The following FXYD6 variants were observed in gnomAD, a reference collection of about 807,000 sequenced individuals.
FXYD6 encodes FXYD domain containing ion transport regulator 6.
FXYD6 carries 7 observed loss-of-function variants against 16.7 expected under a neutral mutation model. The ratio of observed to expected loss-of-function variants is 0.42; its 90% CI spans 0.24 to 0.79. The LOEUF (loss-of-function observed/expected upper bound fraction) is 0.79, where lower values mean the gene tolerates loss of function less well. FXYD6 is among the 30% of genes least tolerant of loss of function. The pLI is 0.28. For missense variants in FXYD6, 111 were observed against 116.2 expected, an observed-to-expected ratio of 0.95 and a Z score of 0.21; for synonymous variants, 49 against 43.0, an observed-to-expected ratio of 1.14 and a Z score of -0.54.
At chr11:117,842,161 T>G in intron 2 of FXYD6, 133 bp from the exon 3 acceptor site, 1 of 1,392,446 alleles carries the variant, frequency 7.2e-7, no homozygotes, top group Non-Finnish European at 9.9e-7. Context: ...CAGAGATGCC[T>G]AGAGGTGCAC....
In FXYD6 at chr11:117,850,678, G is replaced by T. The variant is rs1297555068; in HGVS notation, c.-5-7897C>A. On this transcript the variant is annotated intron_variant, in intron 1 of 7. Coordinates refer to ENST00000526014, the MANE Select transcript of FXYD6 (RefSeq NM_022003.4). The stretch of plus-strand genomic sequence containing the variant: ...AGTTATTTTTATTTTTATTTTTTTG[G>T]GGGGCGGTCTCACTATGTTACGTAG... Among the ~76,000 whole-genome samples, 6 of 151,402 alleles carry T rather than the reference G, an allele frequency of 4.0e-5. No homozygotes were observed. In the East Asian group the frequency reaches 1.2e-3, roughly 29 times the overall value.
intron 1 of FXYD6, among the ~76,000 whole-genome samples, chr11:117,851,031 A>G (rs1377940017): frequency 2.0e-5 from 3 of 152,202 alleles, no homozygotes; most frequent in African/African-American, 7.2e-5. Context: ...AGAATATTTC[A>G]GTTCTTTTTA....
chr11:117,868,180 G>A (rs2057051042), intron 1 of FXYD6, among the ~76,000 whole-genome samples: 1 of 152,174 alleles, frequency 6.6e-6, no homozygotes. Context: ...CCTCACCTGG[G>A]ATGGTGAGGA....
chr11:117,867,633 A>T (rs2057039344), intron 1 of FXYD6, among the ~76,000 whole-genome samples: 1 of 152,228 alleles, frequency 6.6e-6, no homozygotes, highest in South Asian at 2.1e-4. Flanking sequence ...GGCATATGAA[A>T]ATCTCTAAGT....
intron 5 of FXYD6, 147 bp from the exon 6 acceptor site, chr11:117,840,515 G>A: frequency 9.3e-7 from 1 of 1,078,528 alleles, no homozygotes. Flanking sequence ...GCTGTGGGAT[G>A]CATGGGACAG....
rs542039097 is a variant in FXYD6 at position 117,868,060 on chromosome 11, C to A, written c.-6+8532G>T. ...GACCCCTTTCTCCAGACTCCAAGAG[C>A]GCCTGTCGCCTGTCGTTGGCACTAA... On this transcript the variant is annotated intron_variant, in intron 1 of 7. Coordinates refer to ENST00000526014, the MANE Select transcript of FXYD6 (RefSeq NM_022003.4). Among the ~76,000 whole-genome samples the A allele has an allele frequency of 2.6e-3, 400 of 152,296 alleles. 1 individual carries two copies. Among genetic ancestry groups the A allele is most frequent in the Non-Finnish European group, 3.4e-3 (234 of 68,024 alleles).
chr11:117,872,269 AG>A lies in FXYD6; in HGVS notation c.-6+4322del, dbSNP rs2057155269. Reference sequence around the variant, plus strand: ...GTGGGAGATTATATATGTGTGAGGAAGGGAACGTGTGTGAGAGTGTAAGTGC... The same window carrying A: ...GTGGGAGATTATATATGTGTGAGGAAGGAACGTGTGTGAGAGTGTAAGTGC... On this transcript the variant is annotated intron_variant, in intron 1 of 7. Coordinates refer to ENST00000526014, the MANE Select transcript of FXYD6 (RefSeq NM_022003.4). This position sits in a 1 kb window ranked among gnomAD's most constrained non-coding sequence, Gnocchi z 4.9. Among the ~76,000 whole-genome samples, 1 of 152,122 alleles carries A rather than the reference AG, an allele frequency of 6.6e-6. No individual in the cohort carries two copies. Among genetic ancestry groups the A allele is most frequent in the Admixed American group, 6.6e-5 (1 of 15,260 alleles).
chr11:117,839,875 C>A, intron 6 of FXYD6, 45 bp from the exon 7 acceptor site: 1 of 1,613,054 alleles, frequency 6.2e-7, no homozygotes, highest in Non-Finnish European at 8.5e-7. Context: ...GACTCCTCAC[C>A]CCCGTGGGCC....
rs2056824324 is a variant in FXYD6 at position 117,858,725 on chromosome 11, CTTCCT to C, written c.-5-15949_-5-15945del. On this transcript the variant is annotated intron_variant, in intron 1 of 7. Coordinates refer to ENST00000526014, the MANE Select transcript of FXYD6 (RefSeq NM_022003.4). ...TTTCTCTCTCTCTCTCCTTCCTTCC[CTTCCT>C]TCCTTCCTTCCTTCCTTCCTTCCTT... Among the ~76,000 whole-genome samples, 26 of 47,068 alleles carry C rather than the reference CTTCCT, an allele frequency of 5.5e-4. 3 individuals carry two copies. The South Asian group carries it at 0.028, about 51-fold the overall frequency. 30.9% of individuals were successfully genotyped at this position (47,068 alleles called of 152,430 possible).
intron 1 of FXYD6, among the ~76,000 whole-genome samples, chr11:117,871,084 GTC>G (rs936334280): frequency 1.3e-5 from 2 of 152,076 alleles, no homozygotes; most frequent in African/African-American, 2.4e-5. Flanking sequence ...TAATCTCTGT[GTC>G]TCTGTCAAAT....
intron 1 of FXYD6, among the ~76,000 whole-genome samples, chr11:117,869,540 C>T (rs577566758): frequency 1.3e-5 from 2 of 152,320 alleles, no homozygotes; most frequent in Middle Eastern, 3.4e-3. Flanking sequence ...CCCGGCTGCA[C>T]AGGGTGGAGC....
chr11:117,843,029 G>T (rs111265097), intron 1 of FXYD6, among the ~76,000 whole-genome samples: 91 of 152,272 alleles, frequency 6.0e-4, no homozygotes, highest in Middle Eastern at 3.4e-3. Flanking sequence ...CGCCTCCCAG[G>T]TTCAAGTGAT....
At chr11:117,871,245 G>A (rs2057128102) in intron 1 of FXYD6, among the ~76,000 whole-genome samples, 1 of 152,178 alleles carries the variant, frequency 6.6e-6, no homozygotes, top group Non-Finnish European at 1.5e-5. Flanking sequence ...GTAATAAAGG[G>A]ATGTGCATCT....
At chr11:117,874,631 G>T (rs766019858) in intron 1 of FXYD6, among the ~76,000 whole-genome samples, 2 of 152,138 alleles carry the variant, frequency 1.3e-5, no homozygotes, top group African/African-American at 2.4e-5. Flanking sequence ...TCTCTCCTTT[G>T]TTAGGGCTCA....
At chr11:117,858,641 TTCTTTC>T (rs1178168117) in intron 1 of FXYD6, among the ~76,000 whole-genome samples, 2 of 30,078 alleles carry the variant, frequency 6.6e-5, no homozygotes, top group African/African-American at 2.6e-4. Flanking sequence ...TTTTCTTTCT[TTCTTTC>T]TTTCTTTCTT....
chr11:117,840,130 G>T lies in FXYD6; in HGVS notation c.259+189C>A. ...ACAAGCAGATGCTCTGTAAATAGCA[G>T]GTGACACTAGTAGTAGCCTGTTTGG... On this transcript the variant is annotated intron_variant, in intron 6 of 7. Transcript: ENST00000526014. The T allele has an allele frequency of 4.2e-6, 3 of 707,338 alleles. No homozygotes were observed. The South Asian group carries it at 5.2e-5, about 12-fold the overall frequency. 43.8% of individuals were successfully genotyped at this position (707,338 alleles called of 1,614,324 possible).
chr11:117,854,454 A>G (rs562235720), intron 1 of FXYD6, among the ~76,000 whole-genome samples: 27 of 152,302 alleles, frequency 1.8e-4, no homozygotes, highest in Non-Finnish European at 3.5e-4. Flanking sequence ...ACCTCCATTG[A>G]TGCTCAGGTT....
In FXYD6 at chr11:117,839,963, G is replaced by A. The variant is rs894691358; in HGVS notation, c.260-133C>T. On this transcript the variant is annotated intron_variant, in intron 6 of 7. Transcript: ENST00000526014. ...CGGGCATGGGATTTCGAGTCAGAAC[G>A]ATCTGGGTTCAATCCTGGCCCTGCT... is the stretch of plus-strand genomic sequence containing the variant. The A allele has an allele frequency of 7.6e-6, 9 of 1,178,980 alleles. 1 individual carries two copies. The highest frequency in any genetic ancestry group is 4.0e-4 in the Middle Eastern group (2 of 5,046). 73.0% of individuals were successfully genotyped at this position (1,178,980 alleles called of 1,614,324 possible).
intron 4 of FXYD6, among the ~76,000 whole-genome samples, 168 bp from the exon 5 acceptor site, chr11:117,841,352 G>C (rs1248316892): frequency 6.6e-6 from 1 of 152,114 alleles, no homozygotes; most frequent in Non-Finnish European, 1.5e-5. Flanking sequence ...TTCTTCTGGG[G>C]CAAAGGAAAT....
Sources: allele counts gnomAD v4.1 joint callset (sites outside exome capture counted in the v4.1 genomes callset), GRCh38; gene constraint gnomAD v4.1.1; non-coding constraint Gnocchi (gnomAD v3.1); transcripts MANE v1.5; gene names NCBI Gene and HGNC (gene_info 2026-07-23, HGNC 2026-07-21).